MYO9A: variants seen among roughly 807,000 people sequenced by gnomAD.
MYO9A encodes unconventional myosin-IXa.
A neutral mutation model predicts 293.3 loss-of-function variants in MYO9A; 103 were observed. The observed-to-expected ratio is 0.35, with a 90% CI of 0.30 to 0.41. The LOEUF (loss-of-function observed/expected upper bound fraction) is 0.41, where lower values mean the gene tolerates loss of function less well. Ranked by LOEUF, MYO9A falls within the 10% of genes least tolerant of loss-of-function variation. MYO9A has a pLI of 1.00. For missense variants in MYO9A, 2,685 were observed against 3,033.0 expected (o/e 0.89, Z 2.69); for synonymous variants, 1,001 against 1,035.7 (o/e 0.97, Z 0.64).
At chr15:71,945,961 T>C (rs2058907693) in intron 15 of MYO9A, among the ~76,000 whole-genome samples, 1 of 152,204 alleles carries the variant, frequency 6.6e-6, no homozygotes, top group Non-Finnish European at 1.5e-5. Context: ...TAAGACAAAC[T>C]TTTTCTCCAT....
intron 18 of MYO9A, among the ~76,000 whole-genome samples, chr15:71,931,371 A>C (rs747968218): frequency 1.2e-4 from 18 of 152,168 alleles, no homozygotes; most frequent in Non-Finnish European, 2.9e-5. Flanking sequence ...ATTGCTGGGC[A>C]TAGTACTATG....
Position 71,827,956 on chromosome 15 carries a change from C to T in MYO9A, c.7111G>A (p.Ala2371Thr), listed in dbSNP as rs774853164. The T allele has an allele frequency of 2.5e-6, 4 of 1,613,836 alleles. No individual in the cohort carries two copies. Among genetic ancestry groups the T allele is most frequent in the Non-Finnish European group, 3.4e-6 (4 of 1,179,830 alleles). Residue 2371 changes from alanine to threonine, a missense_variant, in exon 41 of 42, where the codon GCC becomes ACC. Around this residue, in one of 10 missense-constraint regions of MYO9A, gnomAD observed 350 missense variants for 328.9 expected, o/e 1.06. Transcript: ENST00000356056. ...ASDDETLESE[A>T]SIGTADSSEN... ...GAGCTATCAGCAGTCCCAATGGAGGCCTCAGACTCAAGGGTTTCATCATCA... is the reference window on the plus strand; with the variant it reads ...GAGCTATCAGCAGTCCCAATGGAGGTCTCAGACTCAAGGGTTTCATCATCA...
intron 17 of MYO9A, 27 bp downstream of exon 17, chr15:71,935,314 C>A: frequency 6.6e-7 from 1 of 1,520,756 alleles, no homozygotes; most frequent in East Asian, 2.3e-5. Context: ...AAACAAAAAA[C>A]AATTTACATT....
At chr15:72,039,832 G>T in intron 2 of MYO9A, 1 of 153,192 alleles carries the variant, frequency 6.5e-6, no homozygotes, top group Non-Finnish European at 1.4e-5. Flanking sequence ...CTGTCTCAAA[G>T]AAAAAAAAGG....
At chr15:72,003,575 G>C (rs1038583058) in intron 8 of MYO9A, among the ~76,000 whole-genome samples, 4 of 151,568 alleles carry the variant, frequency 2.6e-5, no homozygotes, top group African/African-American at 7.3e-5. Flanking sequence ...ATGGTGGCAG[G>C]CGCCTGTAGT....
chr15:72,104,767 C>A (rs2080509405), intron 1 of MYO9A, among the ~76,000 whole-genome samples: 1 of 152,122 alleles, frequency 6.6e-6, no homozygotes, highest in Non-Finnish European at 1.5e-5. Flanking sequence ...ATCTGTTCTG[C>A]CCTACTATAC....
chr15:71,887,262 G>C (rs538190083), intron 27 of MYO9A, among the ~76,000 whole-genome samples: 32 of 152,114 alleles, frequency 2.1e-4, no homozygotes, highest in Admixed American at 6.6e-4. Context: ...GCTAAGTATA[G>C]AGGGAGATAA....
At chr15:72,027,697 A>G (rs1353970979) in intron 4 of MYO9A, 34 bp downstream of exon 4, 1 of 1,522,058 alleles carries the variant, frequency 6.6e-7, no homozygotes, top group Non-Finnish European at 9.0e-7. Flanking sequence ...TACAAATGTT[A>G]ACTTCATCTA....
In MYO9A at chr15:71,825,956, G is replaced by A. The variant is rs1394748016; in HGVS notation, c.*624C>T. 1.3e-5 allele frequency: 2 copies of A among 149,156 alleles called. No individual in the cohort carries two copies. Among genetic ancestry groups the A allele is most frequent in the Non-Finnish European group, 3.0e-5 (2 of 67,678 alleles). The allele number at this position is 149,156 out of a possible 1,614,324, so 9.2% of individuals were successfully genotyped here. A position where few individuals can be genotyped will look rare whatever the true frequency, so the allele number is the denominator to read the frequency against. ...CTGTATAACAAGATATCTGAGACAC[G>A]CTCTGATGGCTTAATGGAAACAATC... On this transcript the variant is annotated 3_prime_UTR_variant, in exon 42 of 42. Coordinates refer to ENST00000356056, the MANE Select transcript of MYO9A (RefSeq NM_006901.4).
chr15:71,850,487 C>A (rs1023854557), intron 37 of MYO9A, among the ~76,000 whole-genome samples: 6 of 152,102 alleles, frequency 3.9e-5, no homozygotes, highest in African/African-American at 1.4e-4. Context: ...CAGAATCGGC[C>A]AGGCACGGTG....
chr15:72,065,998 G>C (rs773734252), intron 1 of MYO9A, among the ~76,000 whole-genome samples: 2 of 152,202 alleles, frequency 1.3e-5, no homozygotes, highest in Admixed American at 6.5e-5. Context: ...AACACGTCTT[G>C]AAATATGCTT....
chr15:71,846,449 G>A (rs1176103994), intron 39 of MYO9A, among the ~76,000 whole-genome samples: 1 of 152,162 alleles, frequency 6.6e-6, no homozygotes, highest in East Asian at 1.9e-4. Flanking sequence ...TAAAGGTCTA[G>A]TCTGCCCTGG....
intron 1 of MYO9A, among the ~76,000 whole-genome samples, chr15:72,084,176 T>C (rs2079639904): frequency 6.6e-6 from 1 of 152,234 alleles, no homozygotes; most frequent in African/African-American, 2.4e-5. Context: ...TGGGCGCTCC[T>C]GTGTTGGGTG....
chr15:71,988,606 T>C (rs2148293452), intron 11 of MYO9A, among the ~76,000 whole-genome samples: 1 of 152,326 alleles, frequency 6.6e-6, no homozygotes, highest in African/African-American at 2.4e-5. Flanking sequence ...AGGCACTTTT[T>C]TAAAAAGCTA....
chr15:72,060,827 G>A (rs1450945631), intron 1 of MYO9A, among the ~76,000 whole-genome samples: 1 of 152,116 alleles, frequency 6.6e-6, no homozygotes, highest in East Asian at 1.9e-4. Context: ...GTGGACTTGA[G>A]GTGCACATGA....
At chr15:72,118,459 A>C (rs565061538), upstream of MYO9A, 1 of 152,826 alleles carries the variant, frequency 6.5e-6, no homozygotes, top group African/African-American at 2.4e-5. Flanking sequence ...GTGAGGCCCG[A>C]GGCAGGTAAG....
chr15:71,953,020 A>G (rs1218050391), intron 14 of MYO9A, among the ~76,000 whole-genome samples: 1 of 152,238 alleles, frequency 6.6e-6, no homozygotes, highest in Non-Finnish European at 1.5e-5. Context: ...ATCATGTAAT[A>G]TTATACACAG....
At chr15:71,835,478 T>C (rs1210816714) in intron 39 of MYO9A, among the ~76,000 whole-genome samples, 1 of 152,170 alleles carries the variant, frequency 6.6e-6, no homozygotes, top group Non-Finnish European at 1.5e-5. Context: ...ATCAATTGTA[T>C]TTTTATACAA....
At chr15:71,910,972 T>C (rs1300691576) in intron 19 of MYO9A, among the ~76,000 whole-genome samples, 2 of 152,132 alleles carry the variant, frequency 1.3e-5, no homozygotes, top group African/African-American at 2.4e-5. Flanking sequence ...AGTTCACAAA[T>C]CAATGAGTTT....
Sources: allele counts gnomAD v4.1 joint callset (sites outside exome capture counted in the v4.1 genomes callset), GRCh38; gene constraint gnomAD v4.1.1; regional missense constraint gnomAD v4.1.1; transcripts MANE v1.5; gene names NCBI Gene and HGNC (gene_info 2026-07-23, HGNC 2026-07-21).